ZNF584: variants seen among roughly 807,000 people sequenced by gnomAD.
The protein encoded by ZNF584 is zinc finger protein 584.
A neutral mutation model predicts 14.7 loss-of-function variants in ZNF584; 12 were observed. That is an observed-to-expected ratio of 0.82 (90% confidence interval 0.52 to 1.32). ZNF584 has a LOEUF of 1.32. ZNF584 is among the 40% of genes most tolerant of loss of function. The pLI is 0.00. For missense variants in ZNF584, 478 were observed against 518.8 expected, an observed-to-expected ratio of 0.92 and a Z score of 0.76; for synonymous variants, 204 against 190.9, an observed-to-expected ratio of 1.07 and a Z score of -0.57.
chr19:58,407,645 C>T (rs2052485359), upstream of ZNF584, among the ~76,000 whole-genome samples: 1 of 152,206 alleles, frequency 6.6e-6, no homozygotes, highest in Non-Finnish European at 1.5e-5. Flanking sequence ...GTTATGGTGC[C>T]AGTGGTCTCA....
chr19:58,408,325 C>T (rs919954330), upstream of ZNF584: 5 of 152,274 alleles, frequency 3.3e-5, no homozygotes, highest in African/African-American at 1.2e-4. Context: ...ACTGTGAGGT[C>T]ACCGGGGTTC....
At chr19:58,404,148 CTA>C (rs2122184838), upstream of ZNF584, 1 of 152,646 alleles carries the variant, frequency 6.6e-6, no homozygotes, top group Non-Finnish European at 1.5e-5. Context: ...AATACTTAGC[CTA>C]TGGGAGACTC....
In ZNF584 at chr19:58,417,745, T is replaced by G. The variant is rs2122254665; in HGVS notation, c.1227T>G (p.Arg409=). Residue 409 remains arginine (R), a synonymous_variant, in exon 4 of 4, where the codon CGT becomes CGG. Coordinates refer to ENST00000306910, the MANE Select transcript of ZNF584 (RefSeq NM_173548.3). Reference sequence around the variant, plus strand: ...AGAAAGTCCATACTCCAGAAAGGCGTCAGGAGGACAGGGCACATGGGAAGG... The same window carrying G: ...AGAAAGTCCATACTCCAGAAAGGCGGCAGGAGGACAGGGCACATGGGAAGG... ...QHKKVHTPER[R]QEDRAHGKVV... 6 of 1,613,420 alleles carry G rather than the reference T, an allele frequency of 3.7e-6. No individual in the cohort carries two copies. Among genetic ancestry groups the G allele is most frequent in the Non-Finnish European group, 5.1e-6 (6 of 1,179,552 alleles).
At chr19:58,406,595 C>T (rs558387968), upstream of ZNF584, 1 of 152,284 alleles carries the variant, frequency 6.6e-6, no homozygotes, top group Non-Finnish European at 1.5e-5. Flanking sequence ...AACTCAGGTA[C>T]CAGGTGTGAG....
At chr19:58,405,159 C>G (rs1322268602), upstream of ZNF584, 2 of 143,494 alleles carry the variant, frequency 1.4e-5, no homozygotes, top group African/African-American at 2.6e-5. Flanking sequence ...GGCGGCTGGC[C>G]GGGCAGGGGG....
chr19:58,409,269 G>T, intron 1 of ZNF584, 104 bp downstream of exon 1: 10 of 1,275,978 alleles, frequency 7.8e-6, no homozygotes, highest in Non-Finnish European at 1.0e-5. Context: ...TATGATTCCA[G>T]GGGGAGGTCT....
At chr19:58,410,571 A>ATGTG (rs1181335428) in intron 2 of ZNF584, among the ~76,000 whole-genome samples, 3 of 6,738 alleles carry the variant, frequency 4.5e-4, no homozygotes, top group East Asian at 3.3e-3. Context: ...GTATATATAT[A>ATGTG]TGTATATATA....
At chr19:58,404,082 G>C (rs969792465), upstream of ZNF584, among the ~76,000 whole-genome samples, 7 of 152,204 alleles carry the variant, frequency 4.6e-5, no homozygotes, top group Admixed American at 6.5e-5. Context: ...TTTGGTCTGA[G>C]ACTTCCTGGA....
Position 58,417,593 on chromosome 19 carries a change from T to G in ZNF584, c.1075T>G (p.Cys359Gly). 6.2e-7 allele frequency: 1 copy of G among 1,614,174 alleles called. No homozygotes were observed. Among genetic ancestry groups the G allele is most frequent in the Non-Finnish European group, 8.5e-7 (1 of 1,180,038 alleles). ...GGAACGGCCCTATGAATGTAGCCTG[T>G]GTGGGAAAACCTTCACTACCAGATC... ...TGERPYECSL[C>G]GKTFTTRSYR... Residue 359 changes from cysteine (C) to glycine (G), a missense_variant, in exon 4 of 4, where the codon TGT becomes GGT. Physicochemically the swap from Cys to Gly is radical, Grantham distance 159 (BLOSUM62 -3). Coordinates refer to ENST00000306910, the MANE Select transcript of ZNF584 (RefSeq NM_173548.3).
rs767606269 is a variant in ZNF584, at chr19:58,417,183, C to G, written c.665C>G (p.Ala222Gly). The G allele has an allele frequency of 3.7e-6, 6 of 1,613,640 alleles. No homozygotes were observed. The East Asian group carries it at 1.3e-4, about 36-fold the overall frequency. Residue 222 changes from alanine to glycine, a missense_variant, in exon 4 of 4, where the codon GCC becomes GGC. Coordinates refer to ENST00000306910, the MANE Select transcript of ZNF584 (RefSeq NM_173548.3). ...CATGTGTGTAATGAATGTGGGAAGG[C>G]CTTCAGTTACCCGTCTAAGCTGAGG... ...TAHVCNECGK[A>G]FSYPSKLRKH...
At chr19:58,405,542 TC>T (rs1330697035), upstream of ZNF584, 2 of 159,856 alleles carry the variant, frequency 1.3e-5, no homozygotes, top group African/African-American at 5.0e-5. Context: ...GCTCCTCACT[TC>T]CCAGACGGGG....
chr19:58,408,105 C>CA (rs2122199269), upstream of ZNF584: 1 of 152,440 alleles, frequency 6.6e-6, no homozygotes, highest in Admixed American at 6.5e-5. Context: ...CCCCTGGTCC[C>CA]AGCCGCTCTT....
chr19:58,403,066 T>C (rs1309250436), intron 1 of ZNF584, among the ~76,000 whole-genome samples: 1 of 152,216 alleles, frequency 6.6e-6, no homozygotes, highest in Non-Finnish European at 1.5e-5. Context: ...TCTCGTTTAC[T>C]GCTGATAGAA....
chr19:58,417,688 C>T lies in ZNF584; in HGVS notation c.1170C>T (p.Ala390=). The change falls in exon 4 of 4, where the codon GCC becomes GCT. Residue 390 remains alanine, a synonymous_variant. Coordinates refer to ENST00000306910, the MANE Select transcript of ZNF584 (RefSeq NM_173548.3). The part of the protein sequence containing the change: ...RSYECTECGK[A]FKHSSTLLQH... ...ATGAATGTACAGAGTGTGGGAAGGC[C>T]TTCAAACATAGTTCCACCCTCCTTC... is the stretch of plus-strand genomic sequence containing the variant. The T allele has an allele frequency of 6.2e-7, 1 of 1,614,150 alleles. No homozygotes were observed. Among genetic ancestry groups the T allele is most frequent in the Non-Finnish European group, 8.5e-7 (1 of 1,180,020 alleles).
intron 1 of ZNF584, among the ~76,000 whole-genome samples, chr19:58,402,552 G>C (rs2052438101): frequency 6.6e-6 from 1 of 152,140 alleles, no homozygotes. Flanking sequence ...GCTGGGCGCG[G>C]TGGCTCACGC....
chr19:58,406,171 C>T (rs1335225662), upstream of ZNF584: 2 of 158,322 alleles, frequency 1.3e-5, no homozygotes, highest in African/African-American at 2.4e-5. Flanking sequence ...CAGCGAAACC[C>T]CGTCTCCACC....
chr19:58,415,190 G>T (rs1446307148), intron 2 of ZNF584, among the ~76,000 whole-genome samples: 1 of 151,848 alleles, frequency 6.6e-6, no homozygotes, highest in African/African-American at 2.4e-5. Context: ...ACTGCGCCCG[G>T]CCTGTTTGTT....
chr19:58,410,541 A>ATG (rs555487918), intron 2 of ZNF584, among the ~76,000 whole-genome samples: 24,463 of 43,770 alleles, frequency 0.56, 8,296 homozygotes, highest in Non-Finnish European at 0.63. Flanking sequence ...ATATATATAT[A>ATG]TATATATATA....
intron 1 of ZNF584, among the ~76,000 whole-genome samples, chr19:58,403,542 A>ATAG (rs1422756941): frequency 2.6e-5 from 4 of 152,110 alleles, no homozygotes; most frequent in African/African-American, 9.7e-5. Context: ...GGAGGAATGA[A>ATAG]TAGTAGCACA....
Sources: allele counts gnomAD v4.1 joint callset (sites outside exome capture counted in the v4.1 genomes callset), GRCh38; gene constraint gnomAD v4.1.1; transcripts MANE v1.5; gene names NCBI Gene and HGNC (gene_info 2026-07-23, HGNC 2026-07-21).